Variants in CACNA2D3 observed in about 807,000 individuals in gnomAD.
The protein encoded by CACNA2D3 is voltage-dependent calcium channel subunit alpha-2/delta-3.
In CACNA2D3, 60 loss-of-function variants were observed where a neutral mutation model predicts 160.6. The ratio of observed to expected loss-of-function variants is 0.37; its 90% CI spans 0.30 to 0.46. The LOEUF is 0.46. Among genes scored for constraint, CACNA2D3 ranks in the 20% least tolerant of loss-of-function variants. CACNA2D3 has a pLI of 1.00. For synonymous variants in CACNA2D3, 558 were observed against 492.9 expected (o/e 1.13, Z -1.75); for missense variants, 1,205 against 1,365.0 (o/e 0.88, Z 1.85).
chr3:54,732,788 G>C (rs769468526), intron 11 of CACNA2D3, among the ~76,000 whole-genome samples: 7 of 152,176 alleles, frequency 4.6e-5, no homozygotes, highest in Non-Finnish European at 8.8e-5. Context: ...ATTTCCTAAG[G>C]CTTCCACGTT....
intron 9 of CACNA2D3, among the ~76,000 whole-genome samples, chr3:54,615,899 T>C (rs6798452): frequency 0.018 from 2,766 of 152,280 alleles, 94 homozygotes; most frequent in African/African-American, 0.063. Flanking sequence ...ATTTGATTCT[T>C]ACAGGAGTGC....
chr3:54,891,948 C>T (rs1353422477), intron 25 of CACNA2D3, among the ~76,000 whole-genome samples: 1 of 152,164 alleles, frequency 6.6e-6, no homozygotes, highest in East Asian at 1.9e-4. Flanking sequence ...GGAGTGGGCC[C>T]TCTGGGGATG....
chr3:54,925,258 A>T, intron 27 of CACNA2D3: 1 of 1,516,948 alleles, frequency 6.6e-7, no homozygotes, highest in Non-Finnish European at 9.1e-7. Context: ...CCAGTTTGTG[A>T]GGTGTGGTAT....
intron 5 of CACNA2D3, among the ~76,000 whole-genome samples, chr3:54,513,292 T>C (rs1266278114): frequency 6.6e-6 from 1 of 152,212 alleles, no homozygotes; most frequent in Non-Finnish European, 1.5e-5. Context: ...TGATGGAAAC[T>C]TCTGTCCAGA....
chr3:54,546,690 C>T (rs1188783460), intron 5 of CACNA2D3, among the ~76,000 whole-genome samples: 1 of 147,576 alleles, frequency 6.8e-6, no homozygotes, highest in African/African-American at 2.5e-5. Context: ...CACCAGAGAT[C>T]AACACATGCA....
At chr3:54,697,620 C>G (rs953660496) in intron 11 of CACNA2D3, among the ~76,000 whole-genome samples, 3 of 152,180 alleles carry the variant, frequency 2.0e-5, no homozygotes, top group African/African-American at 7.2e-5. Flanking sequence ...GTGCCCCACA[C>G]TCCTGTGGTC....
rs140782399 is a variant in CACNA2D3 at position 55,064,259 on chromosome 3, A to T, written c.2988-9186A>T. 2.5e-3 allele frequency among the ~76,000 whole-genome samples: 387 copies of T among 152,336 alleles called. 2 individuals are homozygous for T. Among genetic ancestry groups the T allele is most frequent in the African/African-American group, 8.3e-3 (345 of 41,582 alleles). ...GTCTACAAGGGATTTCAATCTTTGCATCAAATACCAAATACTTAGTACCTG... is the reference window on the plus strand; with the variant it reads ...GTCTACAAGGGATTTCAATCTTTGCTTCAAATACCAAATACTTAGTACCTG... On this transcript the variant is annotated intron_variant, in intron 35 of 37. Transcript: ENST00000474759.
intron 2 of CACNA2D3, among the ~76,000 whole-genome samples, chr3:54,218,195 G>A (rs1181551888): frequency 6.6e-6 from 1 of 152,134 alleles, no homozygotes; most frequent in Non-Finnish European, 1.5e-5. Flanking sequence ...CTTCAACCAG[G>A]CCTGGCTTAA....
intron 11 of CACNA2D3, among the ~76,000 whole-genome samples, chr3:54,744,841 T>C (rs1701722689): frequency 6.6e-6 from 1 of 152,206 alleles, no homozygotes; most frequent in South Asian, 2.1e-4. Flanking sequence ...ATTGTCTCAT[T>C]TGCTGTTGAT....
At chr3:54,786,276 C>A (rs542390151) in intron 13 of CACNA2D3, among the ~76,000 whole-genome samples, 2 of 152,138 alleles carry the variant, frequency 1.3e-5, no homozygotes, top group East Asian at 3.9e-4. Context: ...TTTTGTTTAC[C>A]ACTCTGTTCC....
At chr3:54,726,290 T>C (rs1701275426) in intron 11 of CACNA2D3, among the ~76,000 whole-genome samples, 1 of 152,218 alleles carries the variant, frequency 6.6e-6, no homozygotes, top group Non-Finnish European at 1.5e-5. Flanking sequence ...AAATATTCCA[T>C]GCTCATGGTT....
In CACNA2D3 at chr3:54,918,332, CT is replaced by C. The variant is rs533596688; in HGVS notation, c.2449+18487del. Reference sequence around the variant, plus strand: ...TTTTACAGACACATCTTTTTTTTTTCTTTTTTTTTTTTTTTTTTTTTTTGTC... The same window carrying C: ...TTTTACAGACACATCTTTTTTTTTTCTTTTTTTTTTTTTTTTTTTTTTGTC... On this transcript the variant is annotated intron_variant, in intron 27 of 37. Transcript: ENST00000474759. 586 of 227,890 alleles carry C rather than the reference CT, an allele frequency of 2.6e-3. 6 individuals carry two copies. The highest frequency in any genetic ancestry group is 0.014 in the African/African-American group (386 of 27,580). 14.1% of individuals were successfully genotyped at this position (227,890 alleles called of 1,614,324 possible).
intron 27 of CACNA2D3, among the ~76,000 whole-genome samples, chr3:54,911,486 G>T (rs972123530): frequency 6.7e-6 from 1 of 149,660 alleles, no homozygotes; most frequent in African/African-American, 2.5e-5. Flanking sequence ...GTACCCCTGT[G>T]CCTGGCTTTG....
intron 2 of CACNA2D3, among the ~76,000 whole-genome samples, chr3:54,132,223 C>T (rs1699727129): frequency 6.6e-6 from 1 of 152,196 alleles, no homozygotes; most frequent in Non-Finnish European, 1.5e-5. Flanking sequence ...ATATTCTTTC[C>T]TCTTGACTTT....
At chr3:54,874,536 G>T (rs1391149433) in intron 18 of CACNA2D3, 1 of 152,012 alleles carries the variant, frequency 6.6e-6, no homozygotes, top group Non-Finnish European at 1.5e-5. Flanking sequence ...ATTATTAATA[G>T]AAAAAAACTC....
intron 2 of CACNA2D3, among the ~76,000 whole-genome samples, chr3:54,289,136 A>C (rs965514255): frequency 6.6e-6 from 1 of 152,208 alleles, no homozygotes; most frequent in Admixed American, 6.5e-5. Context: ...TGCAGACGAC[A>C]TGATTGTATA....
intron 2 of CACNA2D3, among the ~76,000 whole-genome samples, chr3:54,157,887 C>G (rs1337756947): frequency 1.3e-5 from 2 of 150,834 alleles, no homozygotes; most frequent in Non-Finnish European, 2.9e-5. Flanking sequence ...TGCAAAGATT[C>G]TTAGTGAGCA....
At chr3:54,248,951 C>T (rs1486745782) in intron 2 of CACNA2D3, among the ~76,000 whole-genome samples, 1 of 152,122 alleles carries the variant, frequency 6.6e-6, no homozygotes, top group Non-Finnish European at 1.5e-5. Flanking sequence ...TGAGTATTTC[C>T]ATATTTGGTT....
At chr3:54,293,569 A>G (rs1234961865) in intron 2 of CACNA2D3, among the ~76,000 whole-genome samples, 1 of 151,606 alleles carries the variant, frequency 6.6e-6, no homozygotes, top group Non-Finnish European at 1.5e-5. Context: ...TCTATTATAT[A>G]TATATATATC....
Sources: allele counts gnomAD v4.1 joint callset (sites outside exome capture counted in the v4.1 genomes callset), GRCh38; gene constraint gnomAD v4.1.1; transcripts MANE v1.5; gene names NCBI Gene and HGNC (gene_info 2026-07-23, HGNC 2026-07-21).